PARM1: variants seen among roughly 807,000 people sequenced by gnomAD.
PARM1 encodes the protein WSC4, cell wall integrity and stress response component 4 homolog.
In PARM1, 14 loss-of-function variants were observed where a neutral mutation model predicts 24.6. That is an observed-to-expected ratio of 0.57 (90% CI 0.38 to 0.89). The LOEUF (loss-of-function observed/expected upper bound fraction) is 0.89. Among genes scored for constraint, PARM1 ranks in the 40% least tolerant of loss-of-function variants. PARM1 has a pLI of 0.00. For missense variants in PARM1, 362 were observed against 380.4 expected (o/e 0.95, Z 0.40); for synonymous variants, 179 against 156.6 (o/e 1.14, Z -1.07).
chr4:74,974,228 A>G (rs1018815547), intron 1 of PARM1, among the ~76,000 whole-genome samples: 3 of 152,338 alleles, frequency 2.0e-5, no homozygotes, highest in Admixed American at 1.3e-4. Flanking sequence ...TACTGAGTCC[A>G]TGGATTCAAA....
At chr4:74,937,753 G>A (rs1560769117) in intron 1 of PARM1, among the ~76,000 whole-genome samples, 1 of 152,186 alleles carries the variant, frequency 6.6e-6, no homozygotes, top group Non-Finnish European at 1.5e-5. Flanking sequence ...TTATGTGTTT[G>A]TACTTGAACT....
chr4:75,046,519 T>G lies in PARM1; in HGVS notation c.*272T>G, dbSNP rs962059734. On this transcript the variant is annotated 3_prime_UTR_variant, in exon 4 of 4. Coordinates refer to ENST00000307428, the MANE Select transcript of PARM1 (RefSeq NM_015393.4). ...CAGGCCAGACCACCATGGTGAAGGC[T>G]TCTTTCCCCACTGCAGGACCCACTT... 4 of 334,276 alleles carry G rather than the reference T, an allele frequency of 1.2e-5. No homozygotes were observed. The highest frequency in any genetic ancestry group is 1.7e-5 in the Non-Finnish European group (3 of 181,052). The allele number at this position is 334,276 out of a possible 1,614,324, so 20.7% of individuals were successfully genotyped here. A position where few individuals can be genotyped will look rare whatever the true frequency, so the allele number is the denominator to read the frequency against.
intron 1 of PARM1, among the ~76,000 whole-genome samples, chr4:74,946,285 TG>T (rs958997433): frequency 6.6e-6 from 1 of 152,196 alleles, no homozygotes; most frequent in African/African-American, 2.4e-5. Flanking sequence ...CCAAATCAGT[TG>T]CTAAATTCTC....
At chr4:74,991,734 A>G (rs1413235011) in intron 1 of PARM1, among the ~76,000 whole-genome samples, 1 of 152,178 alleles carries the variant, frequency 6.6e-6, no homozygotes, top group African/African-American at 2.4e-5. Context: ...AGGGTATTGC[A>G]TAAGTAGAGG....
chr4:74,975,478 A>G (rs1405673739), intron 1 of PARM1, among the ~76,000 whole-genome samples: 1 of 152,264 alleles, frequency 6.6e-6, no homozygotes, highest in Non-Finnish European at 1.5e-5. Flanking sequence ...AAGGGAAGGC[A>G]TATTCTTTAC....
intron 1 of PARM1, among the ~76,000 whole-genome samples, chr4:74,937,122 T>C (rs929092909): frequency 6.6e-6 from 1 of 152,214 alleles, no homozygotes; most frequent in Non-Finnish European, 1.5e-5. Context: ...AAAATGTCCT[T>C]ATCCTTGAAG....
Position 75,013,106 on chromosome 4 carries a change from T to C in PARM1, c.725T>C (p.Phe242Ser), listed in dbSNP as rs757835606. 1.7e-5 allele frequency: 27 copies of C among 1,613,828 alleles called. No individual in the cohort carries two copies. In the Admixed American group the frequency reaches 4.0e-4, roughly 24 times the overall value. Residue 242 changes from phenylalanine to serine, a missense_variant, in exon 2 of 4, where the codon TTT (phenylalanine) becomes TCT (serine). Coordinates refer to ENST00000307428, the MANE Select transcript of PARM1 (RefSeq NM_015393.4). ...ELIDMETTTT[F>S]PRVIMQEVEH... ...ATAGACATGGAGACCACCACCACCT[T>C]TCCCAGGGTGATCATGCAGGAAGTA...
At chr4:75,033,073 CAA>C (rs1487237375) in intron 2 of PARM1, among the ~76,000 whole-genome samples, 1 of 152,166 alleles carries the variant, frequency 6.6e-6, no homozygotes, top group East Asian at 1.9e-4. Context: ...GGTACATGCT[CAA>C]AGAGTTTTTT....
intron 1 of PARM1, among the ~76,000 whole-genome samples, chr4:75,009,405 A>T (rs1214291536): frequency 1.3e-5 from 2 of 152,192 alleles, no homozygotes; most frequent in Admixed American, 6.5e-5. Flanking sequence ...TCTGACTGGC[A>T]TCTAGGCCAT....
chr4:75,016,138 C>T (rs564459672), intron 2 of PARM1, among the ~76,000 whole-genome samples: 4 of 152,192 alleles, frequency 2.6e-5, no homozygotes, highest in African/African-American at 9.6e-5. Context: ...TAAGAAAGGG[C>T]TCCATGATGG....
intron 2 of PARM1, among the ~76,000 whole-genome samples, chr4:75,023,726 G>C (rs1723128236): frequency 1.3e-5 from 2 of 152,128 alleles, no homozygotes; most frequent in Non-Finnish European, 1.5e-5. Context: ...AAGTGTTAAA[G>C]AGTCCAAACA....
chr4:74,997,796 A>T (rs1276896465), intron 1 of PARM1: 1 of 152,226 alleles, frequency 6.6e-6, no homozygotes, highest in Non-Finnish European at 1.5e-5. Flanking sequence ...GCACTGCCAG[A>T]GGGAACATAG....
Position 75,012,581 on chromosome 4 carries a change from C to A in PARM1, c.200C>A (p.Pro67Gln). 1 of 1,613,968 alleles carries A rather than the reference C, an allele frequency of 6.2e-7. No individual in the cohort carries two copies. The highest frequency in any genetic ancestry group is 8.5e-7 in the Non-Finnish European group (1 of 1,179,900). Residue 67 changes from proline (P) to glutamine (Q), a missense_variant, in exon 2 of 4, where the codon CCA (proline) becomes CAA (glutamine). Physicochemically the swap from Pro to Gln is moderately conservative, Grantham distance 76. Transcript: ENST00000307428. ...GGCACTCACAACAACTCGGTGCTCC[C>A]AGTTACAGCATCAGCCCCAACATCT... ...SNGTHNNSVLPVTASAPTSLL... is the reference protein window; with the variant it reads ...SNGTHNNSVLQVTASAPTSLL...
chr4:75,044,578 G>A (rs1038914833), intron 3 of PARM1, among the ~76,000 whole-genome samples: 1 of 152,128 alleles, frequency 6.6e-6, no homozygotes, highest in South Asian at 2.1e-4. Context: ...GTCTAGTTCT[G>A]GAAGAGAAGC....
chr4:74,978,412 C>G (rs1253960185), intron 1 of PARM1, among the ~76,000 whole-genome samples: 1 of 152,176 alleles, frequency 6.6e-6, no homozygotes, highest in Non-Finnish European at 1.5e-5. Flanking sequence ...GAAGAGCTAA[C>G]TATCCTAAAT....
At chr4:75,043,421 A>T (rs570419184) in intron 3 of PARM1, among the ~76,000 whole-genome samples, 47 of 152,298 alleles carry the variant, frequency 3.1e-4, no homozygotes, top group African/African-American at 1.1e-3. Flanking sequence ...AATTTTTTTT[A>T]AAGTTTCTCC....
chr4:74,988,832 TTCTAAGA>T (rs1722408435), intron 1 of PARM1, among the ~76,000 whole-genome samples: 7 of 152,278 alleles, frequency 4.6e-5, no homozygotes, highest in Admixed American at 3.9e-4. Context: ...CCTGAGAGAA[TTCTAAGA>T]TCAAAGTTAA....
chr4:75,036,874 A>G (rs1179448067), intron 3 of PARM1, among the ~76,000 whole-genome samples: 2 of 152,196 alleles, frequency 1.3e-5, no homozygotes, highest in East Asian at 3.8e-4. Flanking sequence ...CTATTTATCT[A>G]TTATGCTACT....
At position 74,933,350 on chromosome 4, in the gene PARM1, C is replaced by T; in HGVS notation, c.23C>T (p.Ala8Val). The T allele has an allele frequency of 6.2e-7, 1 of 1,612,860 alleles. No homozygotes were observed. The highest frequency in any genetic ancestry group is 1.1e-5 in the South Asian group (1 of 90,850). The change falls in exon 1 of 4, where the codon GCT (alanine) becomes GTT (valine). Residue 8 changes from alanine to valine, a missense_variant. Coordinates refer to ENST00000307428, the MANE Select transcript of PARM1 (RefSeq NM_015393.4). Reference protein sequence around the residue: MVYKTLFALCILTAGWRV... With the variant: MVYKTLFVLCILTAGWRV... ...ACCATGGTCTACAAGACTCTCTTCG[C>T]TCTTTGCATCTTAACTGCAGGTAAT...
Sources: allele counts gnomAD v4.1 joint callset (sites outside exome capture counted in the v4.1 genomes callset), GRCh38; gene constraint gnomAD v4.1.1; transcripts MANE v1.5; gene names NCBI Gene and HGNC (gene_info 2026-07-23, HGNC 2026-07-21).